The following CCNJL variants were observed in gnomAD, a reference collection of about 807,000 sequenced individuals.
CCNJL encodes the protein cyclin J like.
CCNJL carries 33 observed loss-of-function variants against 33.4 expected under a neutral mutation model. That is an observed-to-expected ratio of 0.99 (90% CI 0.75 to 1.32). The LOEUF (loss-of-function observed/expected upper bound fraction) is 1.32, where lower values mean the gene tolerates loss of function less well. Ranked by LOEUF, CCNJL falls within the 40% of genes most tolerant of loss-of-function variation. CCNJL has a pLI of 0.00. For missense variants in CCNJL, 512 were observed against 499.7 expected (o/e 1.02, Z -0.23); for synonymous variants, 227 against 220.9 (o/e 1.03, Z -0.24).
chr5:160,309,996 T>C (rs1040562053), intron 2 of CCNJL, among the ~76,000 whole-genome samples: 12 of 152,202 alleles, frequency 7.9e-5, no homozygotes, highest in African/African-American at 2.7e-4. Flanking sequence ...AAGGAACATT[T>C]AGGACATCCT....
At chr5:160,271,802 C>A (rs1033238434) in intron 3 of CCNJL, among the ~76,000 whole-genome samples, 3 of 152,222 alleles carry the variant, frequency 2.0e-5, no homozygotes, top group African/African-American at 7.2e-5. Flanking sequence ...TGTTCTGATT[C>A]CTGAAATGTT....
intron 1 of CCNJL, among the ~76,000 whole-genome samples, chr5:160,325,908 A>T (rs1177694237): frequency 6.6e-6 from 1 of 151,492 alleles, no homozygotes; most frequent in Non-Finnish European, 1.5e-5. Context: ...TTCACAGTGG[A>T]TGCTTTCCTT....
chr5:160,300,963 T>C (rs1762901563), intron 2 of CCNJL, among the ~76,000 whole-genome samples: 1 of 152,248 alleles, frequency 6.6e-6, no homozygotes, highest in Admixed American at 6.5e-5. Context: ...GGAAGTATAC[T>C]AGCGCAATCT....
At chr5:160,318,057 G>A (rs1763398985) in intron 1 of CCNJL, among the ~76,000 whole-genome samples, 2 of 145,152 alleles carry the variant, frequency 1.4e-5, no homozygotes, top group Non-Finnish European at 3.0e-5. Context: ...TCACTCTGTT[G>A]CCAGGCTGGA....
chr5:160,272,365 C>T (rs1411471420), intron 3 of CCNJL, among the ~76,000 whole-genome samples: 1 of 152,126 alleles, frequency 6.6e-6, no homozygotes, highest in Non-Finnish European at 1.5e-5. Context: ...TCCTGAAGCC[C>T]CACTGCAGGT....
chr5:160,280,938 G>C (rs776089781), intron 2 of CCNJL, 200 bp from the exon 3 acceptor site: 1 of 685,782 alleles, frequency 1.5e-6, no homozygotes, highest in Non-Finnish European at 2.7e-6. Flanking sequence ...GGCTCATAAA[G>C]TATCAAGGAC....
chr5:160,255,452 G>T, intron 5 of CCNJL, 97 bp downstream of exon 5: 1 of 1,156,632 alleles, frequency 8.6e-7, no homozygotes, highest in Non-Finnish European at 1.3e-6. Flanking sequence ...ACCACCACAA[G>T]TTCCAGACTC....
chr5:160,322,382 T>G (rs1763481435), intron 1 of CCNJL, among the ~76,000 whole-genome samples: 1 of 152,174 alleles, frequency 6.6e-6, no homozygotes, highest in Non-Finnish European at 1.5e-5. Context: ...CTCAAGCAAG[T>G]TAGCTAACCC....
At chr5:160,264,866 C>G (rs182962300) in intron 3 of CCNJL, among the ~76,000 whole-genome samples, 8 of 152,266 alleles carry the variant, frequency 5.3e-5, no homozygotes, top group African/African-American at 1.9e-4. Flanking sequence ...CCTGACTCTT[C>G]TGAATTAGCG....
At chr5:160,324,084 A>G (rs1369804420) in intron 1 of CCNJL, among the ~76,000 whole-genome samples, 1 of 152,170 alleles carries the variant, frequency 6.6e-6, no homozygotes, top group African/African-American at 2.4e-5. Flanking sequence ...ATATTAATCA[A>G]TTCCTTATAA....
chr5:160,307,763 G>A (rs887182841), intron 2 of CCNJL, among the ~76,000 whole-genome samples: 3 of 152,126 alleles, frequency 2.0e-5, no homozygotes, highest in African/African-American at 4.8e-5. Flanking sequence ...TGAAGGGAGC[G>A]GGGTCCTAGG....
intron 1 of CCNJL, among the ~76,000 whole-genome samples, chr5:160,323,525 C>T (rs1362455166): frequency 6.6e-6 from 1 of 152,220 alleles, no homozygotes; most frequent in Non-Finnish European, 1.5e-5. Context: ...TGGCTTTTCT[C>T]TGTGCATTGT....
At chr5:160,298,011 G>C (rs1762803104) in intron 2 of CCNJL, among the ~76,000 whole-genome samples, 2 of 152,166 alleles carry the variant, frequency 1.3e-5, no homozygotes, top group Non-Finnish European at 2.9e-5. Context: ...CAACTTGGAG[G>C]CTGCATTGCA....
Position 160,249,711 on chromosome 5 carries a change from C to G in CCNJL, c.*3667G>C, listed in dbSNP as rs997819581. 1.3e-5 allele frequency: 2 copies of G among 151,154 alleles called. No individual in the cohort carries two copies. Among genetic ancestry groups the G allele is most frequent in the Non-Finnish European group, 2.9e-5 (2 of 67,882 alleles). 9.4% of individuals were successfully genotyped at this position (151,154 alleles called of 1,614,324 possible). ...CCAGAAGGTTGAAGCTGCAGTGAGC[C>G]GTGACTGTGCCACTGCACTCTAGCC... On this transcript the variant is annotated 3_prime_UTR_variant, in exon 6 of 6. Coordinates refer to ENST00000257536, the MANE Select transcript of CCNJL (RefSeq NM_001308173.3).
At chr5:160,255,784 G>C (rs1368970260) in intron 4 of CCNJL, 76 bp from the exon 5 acceptor site, 2 of 1,307,136 alleles carry the variant, frequency 1.5e-6, no homozygotes, top group African/African-American at 2.9e-5. Flanking sequence ...AGAATGGATG[G>C]ACAAATGAAT....
At chr5:160,306,612 T>C (rs1448009205) in intron 2 of CCNJL, among the ~76,000 whole-genome samples, 1 of 152,174 alleles carries the variant, frequency 6.6e-6, no homozygotes, top group African/African-American at 2.4e-5. Context: ...ATTCAGAAAG[T>C]CTTCTACACA....
chr5:160,325,111 G>T (rs2113476671), intron 1 of CCNJL, among the ~76,000 whole-genome samples: 1 of 152,294 alleles, frequency 6.6e-6, no homozygotes, highest in South Asian at 2.1e-4. Context: ...AGACCTCTGA[G>T]CTTCCTCCTA....
chr5:160,338,670 G>A (rs770374495), intron 1 of CCNJL, among the ~76,000 whole-genome samples: 8 of 152,180 alleles, frequency 5.3e-5, no homozygotes, highest in Non-Finnish European at 1.2e-4. Flanking sequence ...TATAATCTTG[G>A]CCCATGAGAT....
chr5:160,337,601 C>T (rs1041941615), intron 1 of CCNJL, among the ~76,000 whole-genome samples: 1 of 152,038 alleles, frequency 6.6e-6, no homozygotes, highest in African/African-American at 2.4e-5. Context: ...ATGTTGACTC[C>T]CACCTTAGGG....
Sources: gnomAD v4.1 joint callset for allele counts (sites outside exome capture counted in the v4.1 genomes callset) on GRCh38, gnomAD v4.1.1 for gene constraint, MANE v1.5 for transcripts, NCBI Gene and HGNC (gene_info 2026-07-23, HGNC 2026-07-21) for gene names.